MAPK15: variants seen among roughly 807,000 people sequenced by gnomAD.
MAPK15 encodes ERK-7.
A neutral mutation model predicts 60.8 loss-of-function variants in MAPK15; 61 were observed. The ratio of observed to expected loss-of-function variants is 1.00; its 90% CI spans 0.82 to 1.24. MAPK15 has a LOEUF of 1.24. MAPK15 is among the 50% of genes most tolerant of loss of function. MAPK15 has a pLI of 0.00. For synonymous variants in MAPK15, 356 were observed against 319.9 expected (o/e 1.11, Z -1.21); for missense variants, 808 against 741.1 (o/e 1.09, Z -1.05).
chr8:143,720,313 T>C lies in MAPK15; in HGVS notation c.779+26T>C, dbSNP rs1554619415. On this transcript the variant is annotated intron_variant, in intron 8 of 13. Transcript: ENST00000338033. This position sits in a 1 kb window ranked among gnomAD's most constrained non-coding sequence, Gnocchi z 4.6. ...GTGAGTGGGGGCACTTCGGTGAGGG[T>C]GACAGGGTGGCCTATCTCAAGGGAG... The C allele has an allele frequency of 6.4e-7, 1 of 1,561,622 alleles. No homozygotes were observed. The highest frequency in any genetic ancestry group is 2.3e-5 in the East Asian group (1 of 42,896).
intron 4 of MAPK15, 182 bp from the exon 5 acceptor site, chr8:143,718,593 T>C: frequency 6.3e-6 from 4 of 637,494 alleles, no homozygotes; most frequent in Non-Finnish European, 1.1e-5. Flanking sequence ...TGAAATAAAG[T>C]GTTAAAACTC....
chr8:143,720,251 G>T lies in MAPK15; in HGVS notation c.743G>T (p.Gly248Val). ...CCAGACCTCCTGGCTCTCGGCTCAG[G>T]CTGCCGTGCCTCTGTGCTGCACCAG... ...SEEDLLALGSGCRASVLHQLG... is the reference protein window; with the variant it reads ...SEEDLLALGSVCRASVLHQLG... Residue 248 changes from glycine (G) to valine (V), a missense_variant, in exon 8 of 14, where the codon GGC (glycine) becomes GTC (valine). Physicochemically the swap from Gly to Val is moderately radical, Grantham distance 109. Coordinates refer to ENST00000338033, the MANE Select transcript of MAPK15 (RefSeq NM_139021.3). This position sits in a 1 kb window ranked among gnomAD's most constrained non-coding sequence, Gnocchi z 4.6. The T allele has an allele frequency of 1.3e-6, 2 of 1,587,226 alleles. No homozygotes were observed. Among genetic ancestry groups the T allele is most frequent in the East Asian group, 2.3e-5 (1 of 43,828 alleles).
chr8:143,718,124 T>G lies in MAPK15; in HGVS notation c.195+48T>G, dbSNP rs781971195. 3 of 1,613,696 alleles carry G rather than the reference T, an allele frequency of 1.9e-6. No homozygotes were observed. In the East Asian group the frequency reaches 6.7e-5, roughly 36 times the overall value. ...TCCAATCCCCTTGCCCAGGTACAGA[T>G]CTCTCCAGACAGGAGAGAAACTGGC... On this transcript the variant is annotated intron_variant, in intron 3 of 13. Transcript: ENST00000338033.
chr8:143,721,145 C>A, intron 10 of MAPK15, 40 bp downstream of exon 10: 1 of 1,598,792 alleles, frequency 6.3e-7, no homozygotes, highest in Non-Finnish European at 8.5e-7. Flanking sequence ...CTGTCTACTG[C>A]ACCCTGGAGG....
chr8:143,722,324 G>A lies in MAPK15; in HGVS notation c.*73G>A. On this transcript the variant is annotated 3_prime_UTR_variant, in exon 14 of 14. Transcript: ENST00000338033. ...TCCCCAGACCCCTCTCCAGTCTCCT[G>A]CACCCCTTAGCCCTCCCTGCTTTGC... is the stretch of plus-strand genomic sequence containing the variant. 1 of 1,349,198 alleles carries A rather than the reference G, an allele frequency of 7.4e-7. No homozygotes were observed. Among genetic ancestry groups the A allele is most frequent in the Non-Finnish European group, 1.0e-6 (1 of 1,004,168 alleles). The allele number at this position is 1,349,198 out of a possible 1,614,324, so 83.6% of individuals were successfully genotyped here.
At position 143,716,406 on chromosome 8, in the gene MAPK15, T is replaced by C. The variant is rs781910262; in HGVS notation, c.29T>C (p.Val10Ala). 1 of 1,605,680 alleles carries C rather than the reference T, an allele frequency of 6.2e-7. No homozygotes were observed. The highest frequency in any genetic ancestry group is 8.5e-7 in the Non-Finnish European group (1 of 1,176,956). MCTVVDPRI[V>A]RRYLLRRQLG... ...TGCACCGTAGTGGACCCTCGCATTG[T>C]CCGGAGATACCTACTCAGGCGGCAG... Residue 10 changes from valine (V) to alanine (A), a missense_variant, in exon 1 of 14, where the codon GTC (valine) becomes GCC (alanine). Transcript: ENST00000338033.
rs782761300 is a variant in MAPK15, at chr8:143,719,051, C to T, written c.476C>T (p.Ala159Val). 6.3e-7 allele frequency: 1 copy of T among 1,594,216 alleles called. No homozygotes were observed. The highest frequency in any genetic ancestry group is 8.5e-7 in the Non-Finnish European group (1 of 1,171,006). Residue 159 changes from alanine (A) to valine (V), a missense_variant, in exon 6 of 14, where the codon GCC becomes GTC. Coordinates refer to ENST00000338033, the MANE Select transcript of MAPK15 (RefSeq NM_139021.3). ...GTGAAGCTGTGTGACTTTGGCCTGGCCCGCTCCCTGGGCGACCTCCCCGAG... is the reference window on the plus strand; with the variant it reads ...GTGAAGCTGTGTGACTTTGGCCTGGTCCGCTCCCTGGGCGACCTCCCCGAG... ...CTVKLCDFGL[A>V]RSLGDLPEGP...
At chr8:143,716,565 T>A in intron 1 of MAPK15, 122 bp downstream of exon 1, 1 of 822,280 alleles carries the variant, frequency 1.2e-6, no homozygotes, top group South Asian at 2.2e-5. Context: ...TCCTGCCTCC[T>A]CCGTAGGCGG....
intron 11 of MAPK15, 24 bp from the exon 12 acceptor site, chr8:143,721,525 G>A (rs782246026): frequency 4.8e-5 from 77 of 1,613,282 alleles, no homozygotes; most frequent in Middle Eastern, 1.6e-4. Flanking sequence ...CACTGACCCC[G>A]GGGTTGACCC....
rs557252638 is a variant in MAPK15, at chr8:143,720,007, A to G, written c.722-223A>G. On this transcript the variant is annotated intron_variant, in intron 7 of 13. Transcript: ENST00000338033. The surrounding 1 kb of genome is among the most constrained non-coding windows in gnomAD (Gnocchi z 4.6). ...GCATCCACTTCTGTGAGCACACCCCAGGGCCAGGTGCCCGAGTGTGGAGCA... is the reference window on the plus strand; with the variant it reads ...GCATCCACTTCTGTGAGCACACCCCGGGGCCAGGTGCCCGAGTGTGGAGCA... 1.3e-5 allele frequency among the ~76,000 whole-genome samples: 2 copies of G among 152,110 alleles called. No homozygotes were observed. The highest frequency in any genetic ancestry group is 4.8e-5 in the African/African-American group (2 of 41,504).
intron 1 of MAPK15, among the ~76,000 whole-genome samples, chr8:143,717,291 GGGTGGGGGCAGAAGA>G (rs1296697364): frequency 1.3e-5 from 2 of 152,184 alleles, no homozygotes; most frequent in Non-Finnish European, 2.9e-5. Context: ...GCTGGGACCA[GGGTGGGGGCAGAAGA>G]GACCGTGGCA....
rs1554620224 is a variant in MAPK15 at position 143,722,224 on chromosome 8, G to A, written c.1608G>A (p.Leu536=). The A allele has an allele frequency of 1.3e-6, 2 of 1,595,872 alleles. No homozygotes were observed. Among genetic ancestry groups the A allele is most frequent in the Middle Eastern group, 1.7e-4 (1 of 5,950 alleles). The part of the protein sequence containing the change: ...GTVCHSALGH[L]PLLEGHHV ...TCTGCCACTCGGCACTGGGCCACCT[G>A]CCCCTGCTGGAGGGGCACCATGTGT... Residue 536 remains leucine (L), a synonymous_variant, in exon 14 of 14, where the codon CTG becomes CTA. Coordinates refer to ENST00000338033, the MANE Select transcript of MAPK15 (RefSeq NM_139021.3).
chr8:143,721,787 G>A lies in MAPK15; in HGVS notation c.1365G>A (p.Leu455=). The part of the protein sequence containing the change: ...KPSGRGAAPS[L]TSQAAAQVAN... ...GCGGGAGGGGAGCTGCGCCCTCCCT[G>A]ACCTCCCAGGCTGCGGCTCAGGTGG... is the stretch of plus-strand genomic sequence containing the variant. The change falls in exon 13 of 14, where the codon CTG becomes CTA. Residue 455 remains leucine (L), a synonymous_variant. Coordinates refer to ENST00000338033, the MANE Select transcript of MAPK15 (RefSeq NM_139021.3). 4 of 1,613,234 alleles carry A rather than the reference G, an allele frequency of 2.5e-6. No individual in the cohort carries two copies. Among genetic ancestry groups the A allele is most frequent in the Non-Finnish European group, 3.4e-6 (4 of 1,179,830 alleles).
intron 4 of MAPK15, 146 bp downstream of exon 4, chr8:143,718,448 A>G: frequency 1.3e-6 from 1 of 772,028 alleles, no homozygotes; most frequent in Non-Finnish European, 2.2e-6. Flanking sequence ...GGACTCAGGG[A>G]CAGACAGCTG....
chr8:143,722,058 C>A lies in MAPK15; in HGVS notation c.1459-17C>A, dbSNP rs1554620105. Reference sequence around the variant, plus strand: ...CCCCTCTGATGGCCCCTTTATGTGACCCTCAACTGTACACAGGTCCCTCCC... The same window carrying A: ...CCCCTCTGATGGCCCCTTTATGTGAACCTCAACTGTACACAGGTCCCTCCC... On this transcript the variant is annotated splice_polypyrimidine_tract_variant and intron_variant, in intron 13 of 13. Transcript: ENST00000338033. The A allele has an allele frequency of 6.2e-7, 1 of 1,610,646 alleles. No homozygotes were observed. The highest frequency in any genetic ancestry group is 8.5e-7 in the Non-Finnish European group (1 of 1,179,332).
At position 143,721,881 on chromosome 8, in the gene MAPK15, G is replaced by A. The variant is rs201638542; in HGVS notation, c.1458+1G>A. ...GGTGAGGGTGGCCAGCGTACAACAG[G>A]TAAGCCCGGCCCAGTCTGCCCCCGT... is the stretch of plus-strand genomic sequence containing the variant. On this transcript the variant is annotated splice_donor_variant, in intron 13 of 13. Transcript: ENST00000338033. LOFTEE classifies it high-confidence loss of function. The A allele has an allele frequency of 9.6e-5, 152 of 1,576,302 alleles. No homozygotes were observed. The African/African-American group carries it at 1.3e-3, about 14-fold the overall frequency.
chr8:143,717,581 T>C, intron 1 of MAPK15, 113 bp from the exon 2 acceptor site: 1 of 893,210 alleles, frequency 1.1e-6, no homozygotes, highest in Non-Finnish European at 1.8e-6. Context: ...CACACTCCCA[T>C]CCCCTCTCGG....
At position 143,718,914 on chromosome 8, in the gene MAPK15, C is replaced by G. The variant is rs782065132; in HGVS notation, c.417+9C>G. The G allele has an allele frequency of 6.3e-7, 1 of 1,599,392 alleles. No homozygotes were observed. The highest frequency in any genetic ancestry group is 8.5e-7 in the Non-Finnish European group (1 of 1,172,112). ...TGCACCGGGACCAGAAGGTGCGGTT[C>G]CCCCGCCCCCGCTATGCCACGTGGC... On this transcript the variant is annotated intron_variant, in intron 5 of 13. Coordinates refer to ENST00000338033, the MANE Select transcript of MAPK15 (RefSeq NM_139021.3).
rs782256408 is a variant in MAPK15, at chr8:143,718,832, G to A, written c.344G>A (p.Arg115His). Residue 115 changes from arginine to histidine, a missense_variant, in exon 5 of 14, where the codon CGC (arginine) becomes CAC (histidine). By Grantham distance (29) the Arg-to-His change is conservative (BLOSUM62 0). Transcript: ENST00000338033. The stretch of plus-strand genomic sequence containing the variant: ...GGCCTGCTGCAGGACGTCCACGTGC[G>A]CTCCATCTTCTACCAGCTCCTGCGG... ...KGGLLQDVHV[R>H]SIFYQLLRAT... 1.6e-5 allele frequency: 25 copies of A among 1,612,140 alleles called. No homozygotes were observed. Among genetic ancestry groups the A allele is most frequent in the East Asian group, 2.2e-5 (1 of 44,808 alleles).
Sources: allele counts gnomAD v4.1 joint callset (sites outside exome capture counted in the v4.1 genomes callset), GRCh38; gene constraint gnomAD v4.1.1; non-coding constraint Gnocchi (gnomAD v3.1); transcripts MANE v1.5; gene names NCBI Gene and HGNC (gene_info 2026-07-23, HGNC 2026-07-21).